ZNF486: variants seen among roughly 807,000 people sequenced by gnomAD.
ZNF486 encodes the protein KRAB box only protein 2.
ZNF486 carries 12 observed loss-of-function variants against 12.8 expected under a neutral mutation model. The ratio of observed to expected loss-of-function variants is 0.94; its 90% CI spans 0.60 to 1.52. The LOEUF (loss-of-function observed/expected upper bound fraction) is 1.52. ZNF486 is among the 40% of genes most tolerant of loss of function. The pLI is 0.00. For missense variants in ZNF486, 738 were observed against 545.0 expected (o/e 1.35, Z -3.53); for synonymous variants, 231 against 184.9 (o/e 1.25, Z -2.02).
At chr19:20,183,907 A>G (rs1555715939) in intron 1 of ZNF486, among the ~76,000 whole-genome samples, 1 of 151,704 alleles carries the variant, frequency 6.6e-6, no homozygotes, top group East Asian at 2.0e-4. Context: ...AGCTTGTTAG[A>G]AATTCAAAAA....
At position 20,197,879 on chromosome 19, in the gene ZNF486, C is replaced by T. The variant is rs1187139214; in HGVS notation, c.1169C>T (p.Ser390Phe). The T allele has an allele frequency of 1.9e-6, 3 of 1,613,188 alleles. No homozygotes were observed. The highest frequency in any genetic ancestry group is 2.5e-6 in the Non-Finnish European group (3 of 1,179,888). ...GAATGTGGCAAAGCCTTTACATGGTCTGCAGGCCTCCATAAACATAGGAGA... is the reference window on the plus strand; with the variant it reads ...GAATGTGGCAAAGCCTTTACATGGTTTGCAGGCCTCCATAAACATAGGAGA... ...CEECGKAFTW[S>F]AGLHKHRRTH... Residue 390 changes from serine to phenylalanine, a missense_variant, in exon 4 of 4, where the codon TCT becomes TTT. Coordinates refer to ENST00000335117, the MANE Select transcript of ZNF486 (RefSeq NM_052852.4).
At chr19:20,172,649 GTTC>G (rs1476324560) in intron 1 of ZNF486, among the ~76,000 whole-genome samples, 9 of 147,306 alleles carry the variant, frequency 6.1e-5, no homozygotes, top group African/African-American at 2.3e-4. Flanking sequence ...ACTTGTTTAA[GTTC>G]TTTTTTTTTT....
chr19:20,179,699 C>A (rs1171169076), intron 1 of ZNF486, among the ~76,000 whole-genome samples: 1 of 152,092 alleles, frequency 6.6e-6, no homozygotes, highest in African/African-American at 2.4e-5. Context: ...AAGTCATTTT[C>A]TGCATTGTAA....
At chr19:20,178,689 G>A (rs575485153) in intron 1 of ZNF486, among the ~76,000 whole-genome samples, 1 of 152,298 alleles carries the variant, frequency 6.6e-6, no homozygotes. Context: ...CAAAGTGCAT[G>A]CTGTCCCCTA....
intron 1 of ZNF486, among the ~76,000 whole-genome samples, chr19:20,181,745 CTA>C (rs1204931009): frequency 2.0e-5 from 3 of 150,018 alleles, no homozygotes; most frequent in African/African-American, 4.9e-5. Flanking sequence ...TTATTCCTTT[CTA>C]TCTCTTTCAT....
chr19:20,175,350 T>TTTTTTTTA (rs1296618035), intron 1 of ZNF486: 2 of 142,170 alleles, frequency 1.4e-5, no homozygotes, highest in East Asian at 4.3e-4. Flanking sequence ...TTTTTTTTTT[T>TTTTTTTTA]ATTGATCATT....
chr19:20,186,243 C>T (rs2089844957), intron 3 of ZNF486, among the ~76,000 whole-genome samples, 161 bp downstream of exon 3: 1 of 151,492 alleles, frequency 6.6e-6, no homozygotes, highest in Non-Finnish European at 1.5e-5. Flanking sequence ...TAATTTTTCT[C>T]TCACAAAGGG....
In ZNF486 at chr19:20,174,781, T is replaced by C. The variant is rs559845781; in HGVS notation, c.30+7421T>C. On this transcript the variant is annotated intron_variant, in intron 1 of 3. Transcript: ENST00000335117. ...TATTGTAATTTATACTTTTGAAATATAGTGTTTTGGCTGAAGTATAGTTTT... is the reference window on the plus strand; with the variant it reads ...TATTGTAATTTATACTTTTGAAATACAGTGTTTTGGCTGAAGTATAGTTTT... Among the ~76,000 whole-genome samples, 13 of 152,360 alleles carry C rather than the reference T, an allele frequency of 8.5e-5. No individual in the cohort carries two copies. The East Asian group carries it at 2.1e-3, about 25-fold the overall frequency.
At chr19:20,183,942 G>A (rs1245035357) in intron 1 of ZNF486, among the ~76,000 whole-genome samples, 1 of 142,270 alleles carries the variant, frequency 7.0e-6, no homozygotes. Context: ...CAGATCTTTT[G>A]GAAAAAAAAA....
intron 1 of ZNF486, among the ~76,000 whole-genome samples, chr19:20,181,430 T>G (rs1377161278): frequency 1.3e-5 from 2 of 150,860 alleles, no homozygotes; most frequent in East Asian, 3.9e-4. Context: ...TCCCAGCTAC[T>G]GAGGAGGCTG....
At position 20,197,562 on chromosome 19, in the gene ZNF486, T is replaced by A. The variant is rs2089972428; in HGVS notation, c.852T>A (p.His284Gln). The A allele has an allele frequency of 2.5e-6, 4 of 1,613,444 alleles. No homozygotes were observed. The South Asian group carries it at 4.4e-5, about 18-fold the overall frequency. The part of the protein sequence containing the change: ...AFMYPYTLTT[H>Q]KIIHTGEQPY... ...TGTACCCCTATACCCTTACTACACATAAGATAATCCATACTGGAGAGCAAC... is the reference window on the plus strand; with the variant it reads ...TGTACCCCTATACCCTTACTACACAAAAGATAATCCATACTGGAGAGCAAC... The change falls in exon 4 of 4, where the codon CAT becomes CAA. Residue 284 changes from histidine (H) to glutamine (Q), a missense_variant. Transcript: ENST00000335117.
chr19:20,187,369 G>T (rs1430257234), intron 3 of ZNF486, among the ~76,000 whole-genome samples: 1 of 151,928 alleles, frequency 6.6e-6, no homozygotes, highest in Non-Finnish European at 1.5e-5. Flanking sequence ...AATTTCAATG[G>T]ATTTTTTTAT....
At chr19:20,188,592 A>C (rs544273388) in intron 3 of ZNF486, 21 of 396,702 alleles carry the variant, frequency 5.3e-5, no homozygotes, top group African/African-American at 4.1e-4. Flanking sequence ...ATGGAGGGGG[A>C]GTCAAAATTG....
In ZNF486 at chr19:20,184,473, G is replaced by A; in HGVS notation, c.148G>A (p.Val50Ile). 1 of 1,609,604 alleles carries A rather than the reference G, an allele frequency of 6.2e-7. No homozygotes were observed. Among genetic ancestry groups the A allele is most frequent in the Non-Finnish European group, 8.5e-7 (1 of 1,178,414 alleles). ...DVMLENYRHL[V>I]FLGIIVSKPD... ...GATGTTAGAGAACTACAGACACCTGGTCTTCCTTGGTGAGGATAACTTAAA... is the reference window on the plus strand; with the variant it reads ...GATGTTAGAGAACTACAGACACCTGATCTTCCTTGGTGAGGATAACTTAAA... Residue 50 changes from valine to isoleucine, a missense_variant, in exon 2 of 4, where the codon GTC becomes ATC. Transcript: ENST00000335117.
intron 3 of ZNF486, among the ~76,000 whole-genome samples, chr19:20,187,660 C>T (rs997607733): frequency 1.3e-5 from 2 of 151,950 alleles, no homozygotes; most frequent in South Asian, 2.1e-4. Context: ...CACCACCACA[C>T]CCGGCTAATT....
rs1568328776 is a variant in ZNF486, at chr19:20,197,728, C to A, written c.1018C>A (p.His340Asn). ...AFISSSILSK[H>N]EKIHTGEKPY... is the part of the protein sequence containing the mutation. ...TATTTCATCCTCGATCCTTAGTAAA[C>A]ATGAGAAGATTCATACGGGAGAGAA... is the stretch of plus-strand genomic sequence containing the variant. The change falls in exon 4 of 4, where the codon CAT (histidine) becomes AAT (asparagine). Residue 340 changes from histidine to asparagine, a missense_variant. By Grantham distance (68) the His-to-Asn change is moderately conservative. Transcript: ENST00000335117. 7 of 1,613,906 alleles carry A rather than the reference C, an allele frequency of 4.3e-6. No individual in the cohort carries two copies. The highest frequency in any genetic ancestry group is 3.3e-5 in the Admixed American group (2 of 60,004).
At chr19:20,173,193 T>G (rs782643130) in intron 1 of ZNF486, among the ~76,000 whole-genome samples, 13 of 152,188 alleles carry the variant, frequency 8.5e-5, no homozygotes, top group Non-Finnish European at 1.6e-4. Flanking sequence ...TTCTCATAAT[T>G]TTGTTTTACA....
rs782139198 is a variant in ZNF486 at position 20,200,078 on chromosome 19, A to G, written c.*1976A>G. ...GCAACAGAGCAAGACTCCATCTCAA[A>G]AAAAAAAGTGTATTTGTTTCCTTAA... is the stretch of plus-strand genomic sequence containing the variant. On this transcript the variant is annotated 3_prime_UTR_variant, in exon 4 of 4. Transcript: ENST00000335117. 6.6e-5 allele frequency: 10 copies of G among 152,142 alleles called. No homozygotes were observed. The highest frequency in any genetic ancestry group is 1.3e-4 in the Non-Finnish European group (9 of 68,026). 9.4% of individuals were successfully genotyped at this position (152,142 alleles called of 1,614,324 possible). A position where few individuals can be genotyped will look rare whatever the true frequency, so the allele number is the denominator to read the frequency against.
chr19:20,181,395 T>C (rs1158201507), intron 1 of ZNF486, among the ~76,000 whole-genome samples: 2 of 151,858 alleles, frequency 1.3e-5, no homozygotes, highest in Non-Finnish European at 2.9e-5. Context: ...AAAAATTAGC[T>C]GGGTGTGGTG....
Sources: allele counts gnomAD v4.1 joint callset (sites outside exome capture counted in the v4.1 genomes callset), GRCh38; gene constraint gnomAD v4.1.1; transcripts MANE v1.5; gene names NCBI Gene and HGNC (gene_info 2026-07-23, HGNC 2026-07-21).